Variants in EIF5A2 observed in about 807,000 individuals in gnomAD.
EIF5A2 encodes eukaryotic translation initiation factor 5A2.
In EIF5A2, 15 loss-of-function variants were observed where a neutral mutation model predicts 16.4. That is an observed-to-expected ratio of 0.92 (90% confidence interval 0.61 to 1.41). The LOEUF (loss-of-function observed/expected upper bound fraction) is 1.41. Ranked by LOEUF, EIF5A2 falls within the 40% of genes most tolerant of loss-of-function variation. The pLI is 0.00. For synonymous variants in EIF5A2, 48 were observed against 61.1 expected, an observed-to-expected ratio of 0.79 and a Z score of 1.00; for missense variants, 144 against 189.5, an observed-to-expected ratio of 0.76 and a Z score of 1.41.
chr3:170,894,997 G>C (rs570551522), intron 3 of EIF5A2, among the ~76,000 whole-genome samples: 6 of 133,984 alleles, frequency 4.5e-5, no homozygotes, highest in African/African-American at 1.7e-4. Context: ...CTGCACTCCA[G>C]CCTGGGCGAC....
chr3:170,907,631 A>G lies in EIF5A2; in HGVS notation c.165+11T>C. ...CGCCGAAGCCAAAGCCTGATCTGCA[A>G]GGGTACTTACCTTGGCATGACCATG... is the stretch of plus-strand genomic sequence containing the variant. On this transcript the variant is annotated intron_variant, in intron 2 of 4. Transcript: ENST00000295822. The G allele has an allele frequency of 6.3e-7, 1 of 1,575,588 alleles. No homozygotes were observed. The highest frequency in any genetic ancestry group is 8.7e-7 in the Non-Finnish European group (1 of 1,150,726).
At chr3:170,894,031 A>C (rs111538632) in intron 4 of EIF5A2, among the ~76,000 whole-genome samples, 1 of 107,424 alleles carries the variant, frequency 9.3e-6, no homozygotes, top group Admixed American at 1.0e-4. Flanking sequence ...ACTCCGTCTC[A>C]AAAAAAAAAA....
At position 170,892,907 on chromosome 3, in the gene EIF5A2, G is replaced by T; in HGVS notation, c.*453C>A. ...GATTTGTGTTTGCCCTACACAGGCT[G>T]AAAGTGCAACAATTCCAATATATAA... On this transcript the variant is annotated 3_prime_UTR_variant, in exon 5 of 5. Coordinates refer to ENST00000295822, the MANE Select transcript of EIF5A2 (RefSeq NM_020390.6). The T allele has an allele frequency of 2.5e-6, 1 of 399,064 alleles. No individual in the cohort carries two copies. The highest frequency in any genetic ancestry group is 1.3e-4 in the South Asian group (1 of 7,836). The allele number at this position is 399,064 out of a possible 1,614,324, so 24.7% of individuals were successfully genotyped here.
chr3:170,906,828 TA>T lies in EIF5A2; in HGVS notation c.270+160del, dbSNP rs1712947358. Among the ~76,000 whole-genome samples, 11 of 152,346 alleles carry T rather than the reference TA, an allele frequency of 7.2e-5. No homozygotes were observed. In the South Asian group the frequency reaches 2.1e-3, roughly 29 times the overall value. On this transcript the variant is annotated intron_variant, in intron 3 of 4. Coordinates refer to ENST00000295822, the MANE Select transcript of EIF5A2 (RefSeq NM_020390.6). The stretch of plus-strand genomic sequence containing the variant: ...AATAATCCTAGAAAAGTACATGTGT[TA>T]AACATCACTATTTCTCCAATTTCTA...
chr3:170,889,830 A>C lies in EIF5A2; in HGVS notation c.*3530T>G, dbSNP rs979337437. ...AAAGGAATGCTTTCAGATGTATCCTAAGGATAGGATTCTAAGATGAGACTG... is the reference window on the plus strand; with the variant it reads ...AAAGGAATGCTTTCAGATGTATCCTCAGGATAGGATTCTAAGATGAGACTG... On this transcript the variant is annotated 3_prime_UTR_variant, in exon 5 of 5. Transcript: ENST00000295822. The C allele has an allele frequency of 6.6e-6, 1 of 152,552 alleles. No homozygotes were observed. The highest frequency in any genetic ancestry group is 1.5e-5 in the Non-Finnish European group (1 of 67,966). The allele number at this position is 152,552 out of a possible 1,614,324, so 9.4% of individuals were successfully genotyped here.
chr3:170,901,521 A>C (rs1712813471), intron 3 of EIF5A2, among the ~76,000 whole-genome samples: 1 of 152,028 alleles, frequency 6.6e-6, no homozygotes, highest in Admixed American at 6.6e-5. Flanking sequence ...CTGATATACA[A>C]CAGAAGGCTG....
intron 3 of EIF5A2, among the ~76,000 whole-genome samples, chr3:170,895,432 C>T (rs188283024): frequency 1.3e-5 from 2 of 152,232 alleles, no homozygotes; most frequent in East Asian, 3.9e-4. Flanking sequence ...AACAACCAAC[C>T]TCCACTCATT....
chr3:170,896,601 G>A (rs188794854), intron 3 of EIF5A2, among the ~76,000 whole-genome samples: 6 of 152,186 alleles, frequency 3.9e-5, no homozygotes, highest in East Asian at 3.9e-4. Flanking sequence ...GCCTTCTGCC[G>A]TGGTTCCTGA....
At chr3:170,894,715 G>GT (rs397875882) in intron 3 of EIF5A2, among the ~76,000 whole-genome samples, 253 of 144,286 alleles carry the variant, frequency 1.8e-3, no homozygotes, top group Non-Finnish European at 1.5e-3. Context: ...TTGCTGTTTT[G>GT]TTTTTTTTTT....
At chr3:170,902,398 C>CTTTTTTTTT (rs36044967) in intron 3 of EIF5A2, among the ~76,000 whole-genome samples, 2 of 91,376 alleles carry the variant, frequency 2.2e-5, no homozygotes, top group South Asian at 3.5e-4. Context: ...GCCATTCAGC[C>CTTTTTTTTT]TTTTTTTTTT....
intron 3 of EIF5A2, among the ~76,000 whole-genome samples, chr3:170,906,203 T>C (rs1313509045): frequency 8.5e-5 from 13 of 152,200 alleles, no homozygotes; most frequent in African/African-American, 1.7e-4. Flanking sequence ...GAGTTTGATA[T>C]ATGGTATGCT....
intron 3 of EIF5A2, among the ~76,000 whole-genome samples, chr3:170,902,885 G>A (rs1467317765): frequency 2.6e-5 from 4 of 152,078 alleles, no homozygotes; most frequent in Admixed American, 6.5e-5. Context: ...GATTACAGGT[G>A]TGAGCCACTG....
intron 3 of EIF5A2, among the ~76,000 whole-genome samples, chr3:170,900,443 T>G (rs1001870334): frequency 2.6e-5 from 4 of 151,844 alleles, no homozygotes; most frequent in African/African-American, 9.7e-5. Context: ...CTTGCATAAT[T>G]CCAGGTCCAG....
chr3:170,895,667 C>T (rs1183313369), intron 3 of EIF5A2, among the ~76,000 whole-genome samples: 2 of 152,146 alleles, frequency 1.3e-5, no homozygotes, highest in African/African-American at 4.8e-5. Flanking sequence ...TCCACAGAAA[C>T]TCCATCTATC....
At chr3:170,898,443 C>T (rs1292455822) in intron 3 of EIF5A2, among the ~76,000 whole-genome samples, 1 of 152,134 alleles carries the variant, frequency 6.6e-6, no homozygotes, top group East Asian at 1.9e-4. Flanking sequence ...TCATGCTGTT[C>T]TCATGATAGT....
At position 170,888,992 on chromosome 3, in the gene EIF5A2, A is replaced by T. The variant is rs1416832261; in HGVS notation, c.*4368T>A. On this transcript the variant is annotated 3_prime_UTR_variant, in exon 5 of 5. Transcript: ENST00000295822. ...GCAATCTTGAACTAAGATAAACTTA[A>T]GTCTATCAATACCAAGAAACAGTTT... The T allele has an allele frequency of 2.0e-5, 3 of 151,416 alleles. No homozygotes were observed. The highest frequency in any genetic ancestry group is 4.4e-5 in the Non-Finnish European group (3 of 67,874). 9.4% of individuals were successfully genotyped at this position (151,416 alleles called of 1,614,324 possible). A position where few individuals can be genotyped will look rare whatever the true frequency, so the allele number is the denominator to read the frequency against.
intron 3 of EIF5A2, among the ~76,000 whole-genome samples, chr3:170,902,788 T>C (rs1174502781): frequency 1.3e-5 from 2 of 152,024 alleles, no homozygotes; most frequent in East Asian, 3.9e-4. Context: ...TATGTATTTA[T>C]TAGAGACGGG....
Sources: allele counts gnomAD v4.1 joint callset (sites outside exome capture counted in the v4.1 genomes callset), GRCh38; gene constraint gnomAD v4.1.1; transcripts MANE v1.5; gene names NCBI Gene and HGNC (gene_info 2026-07-23, HGNC 2026-07-21).